Variants in SUPT3H observed in about 807,000 individuals in gnomAD.
The protein encoded by SUPT3H is transcription initiation protein SPT3 homolog.
Under a neutral mutation model 44.3 loss-of-function variants are expected in SUPT3H, and 44 were observed. That is an observed-to-expected ratio of 0.99 (90% CI 0.78 to 1.28). The LOEUF is 1.28. SUPT3H is among the 50% of genes most tolerant of loss of function. SUPT3H has a pLI of 0.00. For missense variants in SUPT3H, 380 were observed against 387.1 expected, an observed-to-expected ratio of 0.98 and a Z score of 0.15; for synonymous variants, 124 against 125.6, an observed-to-expected ratio of 0.99 and a Z score of 0.09.
At chr6:45,369,672 C>G (rs1581974815) in intron 1 of SUPT3H, among the ~76,000 whole-genome samples, 1 of 152,112 alleles carries the variant, frequency 6.6e-6, no homozygotes, top group African/African-American at 2.4e-5. Flanking sequence ...TTCTTCATAT[C>G]TAAGTATTTA....
chr6:45,237,254 C>G (rs1347346649), intron 2 of SUPT3H, among the ~76,000 whole-genome samples: 2 of 152,166 alleles, frequency 1.3e-5, no homozygotes, highest in Non-Finnish European at 2.9e-5. Context: ...TCAATCATTT[C>G]TCTACAGCAT....
intron 2 of SUPT3H, among the ~76,000 whole-genome samples, chr6:45,275,166 A>G (rs1366971937): frequency 6.6e-6 from 1 of 152,158 alleles, no homozygotes; most frequent in Non-Finnish European, 1.5e-5. Flanking sequence ...TCACAGTAAT[A>G]TTAACATCAC....
chr6:45,204,970 C>T (rs916625493), intron 2 of SUPT3H, among the ~76,000 whole-genome samples: 1 of 152,172 alleles, frequency 6.6e-6, no homozygotes, highest in African/African-American at 2.4e-5. Flanking sequence ...TTGCTTAACT[C>T]CAATCTCCCC....
chr6:45,162,230 A>T (rs1809113405), intron 2 of SUPT3H, among the ~76,000 whole-genome samples: 1 of 152,084 alleles, frequency 6.6e-6, no homozygotes, highest in Non-Finnish European at 1.5e-5. Context: ...TAAAAAAAGA[A>T]GAAGAAGAAG....
At chr6:44,897,502 T>C (rs185061038) in intron 10 of SUPT3H, among the ~76,000 whole-genome samples, 193 of 152,346 alleles carry the variant, frequency 1.3e-3, no homozygotes, top group Non-Finnish European at 1.4e-3. Context: ...TTTGTACTTA[T>C]GGAGAAGAGA....
At chr6:45,102,803 G>A (rs188129439) in intron 3 of SUPT3H, among the ~76,000 whole-genome samples, 8 of 152,164 alleles carry the variant, frequency 5.3e-5, no homozygotes, top group Non-Finnish European at 1.0e-4. Context: ...TTAGCTGGGC[G>A]TGGTGGCACA....
downstream of SUPT3H, among the ~76,000 whole-genome samples, chr6:44,825,916 A>G (rs1318777308): frequency 6.6e-6 from 1 of 152,170 alleles, no homozygotes; most frequent in Non-Finnish European, 1.5e-5. Context: ...GGCTCCCAAC[A>G]ATGAAATATG....
intron 2 of SUPT3H, among the ~76,000 whole-genome samples, chr6:45,305,600 T>A (rs937151264): frequency 2.0e-5 from 3 of 152,222 alleles, no homozygotes; most frequent in South Asian, 2.1e-4. Context: ...CACTACAAAA[T>A]CCTTCTGGTC....
chr6:44,990,548 T>C (rs1562213074), intron 6 of SUPT3H, among the ~76,000 whole-genome samples: 1 of 152,002 alleles, frequency 6.6e-6, no homozygotes, highest in Non-Finnish European at 1.5e-5. Context: ...CTCTAAATCA[T>C]ATGTTAAAAT....
intron 11 of SUPT3H, among the ~76,000 whole-genome samples, chr6:44,819,513 TAAGAG>T (rs1380540191): frequency 5.1e-5 from 6 of 117,906 alleles, no homozygotes; most frequent in African/African-American, 1.5e-4. Context: ...GAAACATAGA[TAAGAG>T]TGGTGATTCA....
At chr6:44,857,716 T>C (rs1032269381) in intron 10 of SUPT3H, among the ~76,000 whole-genome samples, 1 of 152,132 alleles carries the variant, frequency 6.6e-6, no homozygotes, top group Non-Finnish European at 1.5e-5. Flanking sequence ...TAGCCACTTC[T>C]GTACAGGACA....
chr6:44,864,715 T>G (rs1775211363), intron 10 of SUPT3H, among the ~76,000 whole-genome samples: 1 of 152,150 alleles, frequency 6.6e-6, no homozygotes, highest in African/African-American at 2.4e-5. Flanking sequence ...GTCCCTAGGC[T>G]GCACACAGCG....
intron 3 of SUPT3H, among the ~76,000 whole-genome samples, chr6:45,023,108 G>C (rs921629224): frequency 6.6e-6 from 1 of 151,766 alleles, no homozygotes; most frequent in African/African-American, 2.4e-5. Flanking sequence ...GTGGGCAAAG[G>C]AGAAGAACAG....
chr6:44,818,031 T>G (rs1005892536), intron 11 of SUPT3H, among the ~76,000 whole-genome samples: 67 of 152,216 alleles, frequency 4.4e-4, no homozygotes, highest in African/African-American at 1.5e-3. Flanking sequence ...GCTGAGAAAC[T>G]CTTAAGACCT....
Position 44,829,700 on chromosome 6 carries a change from C to G in SUPT3H, c.*116G>C. ...TCAGCAAGTTGAAAGTCACAACAGACCAGCCCACTCCCTCAGATAAAAGAA... is the reference window on the plus strand; with the variant it reads ...TCAGCAAGTTGAAAGTCACAACAGAGCAGCCCACTCCCTCAGATAAAAGAA... On this transcript the variant is annotated 3_prime_UTR_variant, in exon 11 of 11. Transcript: ENST00000371459. 3 of 1,196,648 alleles carry G rather than the reference C, an allele frequency of 2.5e-6. No individual in the cohort carries two copies. In the South Asian group the frequency reaches 4.2e-5, roughly 17 times the overall value. 74.1% of individuals were successfully genotyped at this position (1,196,648 alleles called of 1,614,324 possible).
chr6:44,877,778 G>T (rs978898191), intron 10 of SUPT3H, among the ~76,000 whole-genome samples: 1 of 151,962 alleles, frequency 6.6e-6, no homozygotes, highest in Non-Finnish European at 1.5e-5. Context: ...GTTTATCATT[G>T]TTTTCATAGA....
At chr6:44,946,710 T>C (rs978301818) in intron 9 of SUPT3H, among the ~76,000 whole-genome samples, 2 of 152,210 alleles carry the variant, frequency 1.3e-5, no homozygotes, top group Admixed American at 6.5e-5. Context: ...AAGATGTCTA[T>C]ATCTGTTGAA....
intron 10 of SUPT3H, among the ~76,000 whole-genome samples, chr6:44,848,636 T>C (rs967185253): frequency 2.0e-5 from 3 of 152,164 alleles, no homozygotes; most frequent in African/African-American, 7.2e-5. Context: ...TGAGCTGACT[T>C]ACAATTATAA....
intron 10 of SUPT3H, among the ~76,000 whole-genome samples, chr6:44,889,051 A>G (rs1762824160): frequency 6.6e-6 from 1 of 151,044 alleles, no homozygotes; most frequent in African/African-American, 2.4e-5. Flanking sequence ...TAGGAATCCA[A>G]CTTACAAGGG....
Sources: allele counts gnomAD v4.1 joint callset (sites outside exome capture counted in the v4.1 genomes callset), GRCh38; gene constraint gnomAD v4.1.1; transcripts MANE v1.5; gene names NCBI Gene and HGNC (gene_info 2026-07-23, HGNC 2026-07-21).